ABTB1: variants seen among roughly 807,000 people sequenced by gnomAD.
The protein encoded by ABTB1 is ankyrin repeat and BTB/POZ domain-containing protein 1.
In ABTB1, 45 loss-of-function variants were observed where a neutral mutation model predicts 57.1. That is an observed-to-expected ratio of 0.79 (90% confidence interval 0.62 to 1.01). The LOEUF is 1.01. Among genes scored for constraint, ABTB1 ranks in the 50% least tolerant of loss-of-function variants. The pLI, the probability that ABTB1 is intolerant of heterozygous loss-of-function variation, is 0.00. For synonymous variants in ABTB1, 302 were observed against 275.4 expected (o/e 1.10, Z -0.95); for missense variants, 630 against 666.3 (o/e 0.95, Z 0.60).
chr3:127,676,701 G>A lies in ABTB1; in HGVS notation c.526+120G>A, dbSNP rs2074991597. On this transcript the variant is annotated intron_variant, in intron 6 of 11. Coordinates refer to ENST00000232744, the MANE Select transcript of ABTB1 (RefSeq NM_172027.3). The surrounding 1 kb of genome is among the most constrained non-coding windows in gnomAD (Gnocchi z 5.4). ...AGACACTTCATGGTCCCCCCGGGGT[G>A]GTTCCAGCTGCCTCTCGGGTTGGGT... 1.5e-6 allele frequency: 2 copies of A among 1,322,318 alleles called. No individual in the cohort carries two copies. The highest frequency in any genetic ancestry group is 2.5e-5 in the South Asian group (2 of 78,888). 81.9% of individuals were successfully genotyped at this position (1,322,318 alleles called of 1,614,324 possible).
Position 127,680,697 on chromosome 3 carries a change from A to T in ABTB1, c.*222A>T. On this transcript the variant is annotated 3_prime_UTR_variant, in exon 12 of 12. Coordinates refer to ENST00000232744, the MANE Select transcript of ABTB1 (RefSeq NM_172027.3). ...CCCAATGCACAAGCCAGCCCCCAAG[A>T]CCCTGGGGGTGGACACCACTCAGGG... The T allele has an allele frequency of 1.4e-6, 1 of 706,776 alleles. No individual in the cohort carries two copies. Among genetic ancestry groups the T allele is most frequent in the Non-Finnish European group, 2.5e-6 (1 of 401,352 alleles). The allele number at this position is 706,776 out of a possible 1,614,324, so 43.8% of individuals were successfully genotyped here. A position where few individuals can be genotyped will look rare whatever the true frequency, so the allele number is the denominator to read the frequency against.
chr3:127,679,598 A>C, intron 10 of ABTB1: 1 of 471,060 alleles, frequency 2.1e-6, no homozygotes, highest in South Asian at 1.5e-5. Flanking sequence ...ATGGTTATCT[A>C]TACCTCATGG....
Position 127,676,148 on chromosome 3 carries a change from G to T in ABTB1, c.320+34G>T, listed in dbSNP as rs769225597. 4.3e-6 allele frequency: 7 copies of T among 1,610,146 alleles called. No homozygotes were observed. Among genetic ancestry groups the T allele is most frequent in the South Asian group, 2.2e-5 (2 of 91,006 alleles). On this transcript the variant is annotated intron_variant, in intron 4 of 11. Coordinates refer to ENST00000232744, the MANE Select transcript of ABTB1 (RefSeq NM_172027.3). This position sits in a 1 kb window ranked among gnomAD's most constrained non-coding sequence, Gnocchi z 5.4. ...GGGCACACGAGGGGTGCAGCATGGGGTGCGGTGGCCCTGGTGGGTGTGGCG... is the reference window on the plus strand; with the variant it reads ...GGGCACACGAGGGGTGCAGCATGGGTTGCGGTGGCCCTGGTGGGTGTGGCG...
In ABTB1 at chr3:127,677,664, G is replaced by A. The variant is rs767358496; in HGVS notation, c.862-12G>A. The A allele has an allele frequency of 1.7e-5, 27 of 1,610,968 alleles. No homozygotes were observed. In the Middle Eastern group the frequency reaches 4.9e-4, roughly 29 times the overall value. ...CCTGGCCCTCACACTTCCTGAGCCCGGCCTCCCCCAGGCCTTTTTCTGTGG... is the reference window on the plus strand; with the variant it reads ...CCTGGCCCTCACACTTCCTGAGCCCAGCCTCCCCCAGGCCTTTTTCTGTGG... On this transcript the variant is annotated splice_polypyrimidine_tract_variant and intron_variant, in intron 9 of 11. Transcript: ENST00000232744.
intron 1 of ABTB1, 110 bp downstream of exon 1, chr3:127,673,191 G>C (rs1029950003): frequency 2.7e-5 from 33 of 1,209,676 alleles, no homozygotes; most frequent in Admixed American, 4.3e-5. Flanking sequence ...GCCTCTGCCG[G>C]GTCACAGCCC....
intron 3 of ABTB1, 87 bp downstream of exon 3, chr3:127,674,687 G>T (rs2074937171): frequency 2.7e-6 from 4 of 1,493,082 alleles, no homozygotes; most frequent in Admixed American, 3.4e-5. Flanking sequence ...GCATTCAAAG[G>T]CCTTGATACA....
chr3:127,677,386 A>T, intron 8 of ABTB1, 79 bp from the exon 9 acceptor site: 1 of 1,573,400 alleles, frequency 6.4e-7, no homozygotes. Context: ...GTCCTGGACC[A>T]GTTACTTCCC....
At chr3:127,679,891 G>A in intron 10 of ABTB1, 94 bp from the exon 11 acceptor site, 1 of 1,307,594 alleles carries the variant, frequency 7.6e-7, no homozygotes. Flanking sequence ...TCCCGCCAGT[G>A]CCCCCCAACC....
In ABTB1 at chr3:127,680,821, G is replaced by T. The variant is rs745735409; in HGVS notation, c.*346G>T. On this transcript the variant is annotated 3_prime_UTR_variant, in exon 12 of 12. Coordinates refer to ENST00000232744, the MANE Select transcript of ABTB1 (RefSeq NM_172027.3). ...AATCCAGTCCTCTGGCCCTTGCCTA[G>T]CCCTGAATTGCTTCTCTAAGCTGGT... 1.6e-6 allele frequency: 1 copy of T among 641,486 alleles called. No individual in the cohort carries two copies. The highest frequency in any genetic ancestry group is 2.8e-6 in the Non-Finnish European group (1 of 360,786). The allele number at this position is 641,486 out of a possible 1,614,324, so 39.7% of individuals were successfully genotyped here. A position where few individuals can be genotyped will look rare whatever the true frequency, so the allele number is the denominator to read the frequency against.
intron 10 of ABTB1, chr3:127,678,315 T>TCTGC: frequency 7.4e-6 from 1 of 134,748 alleles, no homozygotes; most frequent in East Asian, 2.0e-4. Flanking sequence ...AGAGTGTGTG[T>TCTGC]GTGCGTGCGC....
intron 3 of ABTB1, 37 bp downstream of exon 3, chr3:127,674,637 GTGCA>G: frequency 3.1e-6 from 5 of 1,612,610 alleles, no homozygotes; most frequent in Non-Finnish European, 4.2e-6. Context: ...GTGTGCGTGG[GTGCA>G]TGCATGTGTG....
At position 127,674,531 on chromosome 3, in the gene ABTB1, C is replaced by G; in HGVS notation, c.120-14C>G. ...CACTGAGGACTGCCTCCTGTACTTC[C>G]TTCCTCCCTTCAGGTACTATGCCTG... On this transcript the variant is annotated splice_polypyrimidine_tract_variant and intron_variant, in intron 2 of 11. Transcript: ENST00000232744. 1 of 1,614,166 alleles carries G rather than the reference C, an allele frequency of 6.2e-7. No homozygotes were observed. The highest frequency in any genetic ancestry group is 8.5e-7 in the Non-Finnish European group (1 of 1,180,028).
rs2075110089 is a variant in ABTB1 at position 127,680,581 on chromosome 3, A to G, written c.*106A>G. Reference sequence around the variant, plus strand: ...CTGCTCCCTGCACATTGAGGGCTTCATGGGGGGTGCGAGGGGCTCAGTGGG... The same window carrying G: ...CTGCTCCCTGCACATTGAGGGCTTCGTGGGGGGTGCGAGGGGCTCAGTGGG... On this transcript the variant is annotated 3_prime_UTR_variant, in exon 12 of 12. Coordinates refer to ENST00000232744, the MANE Select transcript of ABTB1 (RefSeq NM_172027.3). 2 of 1,400,366 alleles carry G rather than the reference A, an allele frequency of 1.4e-6. No homozygotes were observed. The highest frequency in any genetic ancestry group is 1.7e-5 in the Admixed American group (1 of 58,830). The allele number at this position is 1,400,366 out of a possible 1,614,324, so 86.7% of individuals were successfully genotyped here.
intron 3 of ABTB1, among the ~76,000 whole-genome samples, chr3:127,674,961 C>T (rs901641521): frequency 6.6e-6 from 1 of 152,186 alleles, no homozygotes; most frequent in African/African-American, 2.4e-5. Flanking sequence ...GCCTGCCTGG[C>T]CATGCCCAAG....
chr3:127,677,761 G>A lies in ABTB1; in HGVS notation c.947G>A (p.Gly316Asp), dbSNP rs765987091. 3.1e-6 allele frequency: 5 copies of A among 1,611,668 alleles called. No individual in the cohort carries two copies. In the South Asian group the frequency reaches 4.4e-5, roughly 14 times the overall value. Reference protein sequence around the residue: ...RESEEPATSGGPPAVTLHGIS... With the variant: ...RESEEPATSGDPPAVTLHGIS... ...AGCGAGGAGCCAGCGACCTCAGGGGGCCCCCCAGCCGTCACCCTGCATGGC... is the reference window on the plus strand; with the variant it reads ...AGCGAGGAGCCAGCGACCTCAGGGGACCCCCCAGCCGTCACCCTGCATGGC... Residue 316 changes from glycine (G) to aspartate (D), a missense_variant, in exon 10 of 12, where the codon GGC becomes GAC. Physicochemically the swap from Gly to Asp is moderately conservative, Grantham distance 94. Coordinates refer to ENST00000232744, the MANE Select transcript of ABTB1 (RefSeq NM_172027.3).
At chr3:127,675,167 C>T (rs1256962510) in intron 3 of ABTB1, among the ~76,000 whole-genome samples, 1 of 152,202 alleles carries the variant, frequency 6.6e-6, no homozygotes, top group African/African-American at 2.4e-5. Context: ...GGCCCACTCC[C>T]CCTTCATTCA....
chr3:127,674,633 G>A lies in ABTB1; in HGVS notation c.175+33G>A, dbSNP rs115405284. On this transcript the variant is annotated intron_variant, in intron 3 of 11. Coordinates refer to ENST00000232744, the MANE Select transcript of ABTB1 (RefSeq NM_172027.3). ...CAGGGAGCCCGGCTCACGGGTGTGC[G>A]TGGGTGCATGCATGTGTGCGTGTGG... The A allele has an allele frequency of 4.4e-4, 706 of 1,613,282 alleles. 4 individuals carry two copies. In the African/African-American group the frequency reaches 8.5e-3, roughly 19 times the overall value.
Position 127,676,523 on chromosome 3 carries a change from T to G in ABTB1, c.481-13T>G. 5 of 1,614,052 alleles carry G rather than the reference T, an allele frequency of 3.1e-6. No individual in the cohort carries two copies. The highest frequency in any genetic ancestry group is 3.4e-6 in the Non-Finnish European group (4 of 1,179,994). On this transcript the variant is annotated splice_polypyrimidine_tract_variant and intron_variant, in intron 5 of 11. Transcript: ENST00000232744. This position sits in a 1 kb window ranked among gnomAD's most constrained non-coding sequence, Gnocchi z 5.4. ...GCTGCCTCTGACATTACTTTCTGGT[T>G]TTCTGCCCACAGATCAACCCCGTGG...
Position 127,676,100 on chromosome 3 carries a change from C to T in ABTB1, c.306C>T (p.Asp102=), listed in dbSNP as rs75647091. 157 of 1,613,278 alleles carry T rather than the reference C, an allele frequency of 9.7e-5. 1 individual carries two copies. The East Asian group carries it at 2.9e-3, about 30-fold the overall frequency. Reference sequence around the variant, plus strand: ...CCTGCAGGAGGCGGGATTACTATGACGACTTCTTGCAGCGGTGAGCCAGGG... The same window carrying T: ...CCTGCAGGAGGCGGGATTACTATGATGACTTCTTGCAGCGGTGAGCCAGGG... ...TASCRRRDYY[D]DFLQRLLEQG... Residue 102 remains aspartate (D), a synonymous_variant, in exon 4 of 12, where the codon GAC becomes GAT. Coordinates refer to ENST00000232744, the MANE Select transcript of ABTB1 (RefSeq NM_172027.3). The surrounding 1 kb of genome is among the most constrained non-coding windows in gnomAD (Gnocchi z 5.4).
Sources: gnomAD v4.1 joint callset for allele counts (sites outside exome capture counted in the v4.1 genomes callset) on GRCh38, gnomAD v4.1.1 for gene constraint, Gnocchi (gnomAD v3.1) non-coding constraint, MANE v1.5 for transcripts, NCBI Gene and HGNC (gene_info 2026-07-23, HGNC 2026-07-21) for gene names.